The following DNAH9 variants were observed in gnomAD, a reference collection of about 807,000 sequenced individuals.
DNAH9 encodes dynein axonemal heavy chain 9.
In DNAH9, 345 loss-of-function variants were observed where a neutral mutation model predicts 471.6. The ratio of observed to expected loss-of-function variants is 0.73; its 90% confidence interval spans 0.67 to 0.80. The LOEUF (loss-of-function observed/expected upper bound fraction) is 0.80, where lower values mean the gene tolerates loss of function less well. Ranked by LOEUF, DNAH9 falls within the 30% of genes least tolerant of loss-of-function variation. The pLI is 0.00. For missense variants in DNAH9, 5,407 were observed against 5,609.2 expected (o/e 0.96, Z 1.15); for synonymous variants, 2,093 against 2,123.6 (o/e 0.99, Z 0.40).
intron 27 of DNAH9, among the ~76,000 whole-genome samples, chr17:11,726,308 G>A (rs188863524): frequency 6.6e-6 from 1 of 152,222 alleles, no homozygotes; most frequent in Admixed American, 6.5e-5. Flanking sequence ...CAGGGGTTAT[G>A]TGAAGGAAAA....
intron 61 of DNAH9, among the ~76,000 whole-genome samples, chr17:11,912,197 T>G (rs544460364): frequency 5.3e-5 from 8 of 152,158 alleles, no homozygotes; most frequent in Non-Finnish European, 1.2e-4. Flanking sequence ...TTTGTATTTT[T>G]TTAGTACGGA....
chr17:11,608,044 T>C lies in DNAH9; in HGVS notation c.418-85T>C, dbSNP rs138869191. 3.9e-5 allele frequency: 43 copies of C among 1,095,860 alleles called. No individual in the cohort carries two copies. In the African/African-American group the frequency reaches 5.0e-4, roughly 13 times the overall value. 67.9% of individuals were successfully genotyped at this position (1,095,860 alleles called of 1,614,324 possible). A position where few individuals can be genotyped will look rare whatever the true frequency, so the allele number is the denominator to read the frequency against. On this transcript the variant is annotated intron_variant, in intron 1 of 68. Coordinates refer to ENST00000262442, the MANE Select transcript of DNAH9 (RefSeq NM_001372.4). ...TGACCTGCAAAAGGTTGTATATAGC[T>C]TTATAAGCCTTTTCCAGATGAGGAT...
intron 57 of DNAH9, 35 bp downstream of exon 57, chr17:11,887,000 A>C: frequency 6.3e-7 from 1 of 1,594,366 alleles, no homozygotes. Context: ...CCTGATTATA[A>C]TAAAGCAGTG....
intron 50 of DNAH9, among the ~76,000 whole-genome samples, chr17:11,856,561 C>T (rs1474837109): frequency 2.6e-5 from 1 of 39,142 alleles, no homozygotes; most frequent in African/African-American, 1.1e-4. Flanking sequence ...AAAAAATTAG[C>T]CGGGCGTGGT....
At chr17:11,618,874 A>T (rs1262836177) in intron 5 of DNAH9, among the ~76,000 whole-genome samples, 1 of 152,156 alleles carries the variant, frequency 6.6e-6, no homozygotes, top group African/African-American at 2.4e-5. Flanking sequence ...AGACACCCAA[A>T]CCAGGACCCC....
At chr17:11,807,977 G>A in intron 44 of DNAH9, 83 bp downstream of exon 44, 14 of 1,456,378 alleles carry the variant, frequency 9.6e-6, no homozygotes, top group South Asian at 4.1e-5. Context: ...TCGTTCTCCA[G>A]TTCCCCTGTC....
intron 61 of DNAH9, among the ~76,000 whole-genome samples, chr17:11,919,666 C>A (rs986775567): frequency 2.6e-5 from 4 of 152,002 alleles, no homozygotes; most frequent in African/African-American, 7.3e-5. Context: ...TGAATTATTC[C>A]TTTTATTAAT....
chr17:11,891,226 G>A lies in DNAH9; in HGVS notation c.11113-551G>A, dbSNP rs115287030. Among the ~76,000 whole-genome samples the A allele has an allele frequency of 7.9e-3, 1,210 of 152,228 alleles. 17 individuals are homozygous for A. Among genetic ancestry groups the A allele is most frequent in the African/African-American group, 0.027 (1,128 of 41,546 alleles). On this transcript the variant is annotated intron_variant, in intron 57 of 68. Transcript: ENST00000262442. ...GAAAGGAGGCTGCTTGCAAGGACTC[G>A]TCTTATCACTGCAGAGGTATATATG...
At chr17:11,913,760 C>T (rs962946573) in intron 61 of DNAH9, among the ~76,000 whole-genome samples, 3 of 148,530 alleles carry the variant, frequency 2.0e-5, no homozygotes, top group East Asian at 2.0e-4. Flanking sequence ...CCAGCCTGGG[C>T]GACAGAGTGA....
intron 59 of DNAH9, among the ~76,000 whole-genome samples, chr17:11,899,917 C>A (rs1272040010): frequency 6.6e-6 from 1 of 152,198 alleles, no homozygotes; most frequent in Non-Finnish European, 1.5e-5. Context: ...TACAAAAGTT[C>A]TTGCCCGCAG....
rs142783640 is a variant in DNAH9, at chr17:11,644,930, G to A, written c.1970+231G>A. Among the ~76,000 whole-genome samples the A allele has an allele frequency of 1.5e-3, 221 of 152,322 alleles. 2 individuals are homozygous for A. Among genetic ancestry groups the A allele is most frequent in the African/African-American group, 5.1e-3 (212 of 41,564 alleles). ...TACTTTTCCAGTGTAGTTTTGCTGG[G>A]AGTGTGAACTAGAGCTAGGAGTGGG... On this transcript the variant is annotated intron_variant, in intron 11 of 68. Coordinates refer to ENST00000262442, the MANE Select transcript of DNAH9 (RefSeq NM_001372.4).
chr17:11,841,619 G>A (rs928040460), intron 49 of DNAH9, among the ~76,000 whole-genome samples: 27 of 152,034 alleles, frequency 1.8e-4, no homozygotes, highest in Non-Finnish European at 3.4e-4. Flanking sequence ...CCTTTGTCCC[G>A]TACCTGTGAA....
chr17:11,693,020 C>T (rs1042966445), intron 20 of DNAH9, among the ~76,000 whole-genome samples: 2 of 150,588 alleles, frequency 1.3e-5, no homozygotes, highest in African/African-American at 4.9e-5. Flanking sequence ...ATTCTCCTGC[C>T]TCAGCCTCCT....
At chr17:11,938,197 C>T (rs1974775132) in intron 66 of DNAH9, among the ~76,000 whole-genome samples, 1 of 152,022 alleles carries the variant, frequency 6.6e-6, no homozygotes, top group Admixed American at 6.6e-5. Context: ...ATGGGCCTCA[C>T]ACCTGTAATC....
intron 6 of DNAH9, among the ~76,000 whole-genome samples, chr17:11,629,070 G>T (rs895589817): frequency 2.7e-5 from 4 of 149,982 alleles, no homozygotes; most frequent in Non-Finnish European, 4.4e-5. Flanking sequence ...TTATGATCAT[G>T]ATGATGATTT....
Position 11,905,743 on chromosome 17 carries a change from C to T in DNAH9, c.11683C>T (p.Pro3895Ser), listed in dbSNP as rs1973573909. The change falls in exon 61 of 69, where the codon CCA (proline) becomes TCA (serine). Residue 3895 changes from proline (P) to serine (S), a missense_variant. This residue lies in a region of DNAH9 where 4,636 missense variants were observed against 4,900.3 expected (regional missense o/e 0.95). Transcript: ENST00000262442. ...TGCAACCTCATTTGAAGAATCGGGA[C>T]CAGCCACTCCTATGTTTTTCATCCT... ...DFATSFEESG[P>S]ATPMFFILSP... The T allele has an allele frequency of 6.2e-7, 1 of 1,613,942 alleles. No homozygotes were observed. The highest frequency in any genetic ancestry group is 1.3e-5 in the African/African-American group (1 of 74,908).
chr17:11,875,041 C>T lies in DNAH9; in HGVS notation c.10335C>T (p.Ala3445=), dbSNP rs201370055. ...VAAWQNEGLP[A]DRMSVENATI... is the part of the protein sequence containing the mutation. The stretch of plus-strand genomic sequence containing the variant: ...CCTGGCAGAACGAGGGCCTCCCAGC[C>T]GACCGCATGTCCGTGGAGAATGCCA... The change falls in exon 53 of 69, where the codon GCC becomes GCT. Residue 3445 remains alanine, a synonymous_variant. Transcript: ENST00000262442. 413 of 1,614,104 alleles carry T rather than the reference C, an allele frequency of 2.6e-4. 1 individual carries two copies. The highest frequency in any genetic ancestry group is 2.5e-4 in the Non-Finnish European group (294 of 1,180,006).
In DNAH9 at chr17:11,783,656, A is replaced by T. The variant is rs767170536; in HGVS notation, c.7729A>T (p.Ser2577Cys). 6.2e-7 allele frequency: 1 copy of T among 1,614,004 alleles called. No individual in the cohort carries two copies. The highest frequency in any genetic ancestry group is 1.1e-5 in the South Asian group (1 of 91,052). Reference protein sequence around the residue: ...HLDYGHWYDRSKLSLKEITNV... With the variant: ...HLDYGHWYDRCKLSLKEITNV... ...TTCTGACTGTTCCAGGTATGATCGG[A>T]GCAAGCTGTCCCTAAAGGAGATCAC... Residue 2577 changes from serine (S) to cysteine (C), a missense_variant, in exon 40 of 69, where the codon AGC (serine) becomes TGC (cysteine). By Grantham distance (112) the Ser-to-Cys change is moderately radical (BLOSUM62 -1). This residue lies in a region of DNAH9 where 4,636 missense variants were observed against 4,900.3 expected (regional missense o/e 0.95). Coordinates refer to ENST00000262442, the MANE Select transcript of DNAH9 (RefSeq NM_001372.4).
chr17:11,802,474 C>T (rs780756868), intron 43 of DNAH9, among the ~76,000 whole-genome samples: 12 of 151,834 alleles, frequency 7.9e-5, no homozygotes, highest in Non-Finnish European at 1.5e-4. Flanking sequence ...ACTAAAAATA[C>T]CAAAAAACTT....
Sources: gnomAD v4.1 joint callset for allele counts (sites outside exome capture counted in the v4.1 genomes callset) on GRCh38, gnomAD v4.1.1 for gene constraint, gnomAD v4.1.1 regional missense constraint, MANE v1.5 for transcripts, NCBI Gene and HGNC (gene_info 2026-07-23, HGNC 2026-07-21) for gene names.